ANKRD28: variants seen among roughly 807,000 people sequenced by gnomAD.
The protein encoded by ANKRD28 is serine/threonine-protein phosphatase 6 regulatory ankyrin repeat subunit A.
In ANKRD28, 44 loss-of-function variants were observed where a neutral mutation model predicts 126.5. The observed-to-expected ratio is 0.35, with a 90% CI of 0.27 to 0.45. The LOEUF (loss-of-function observed/expected upper bound fraction) is 0.45. Ranked by LOEUF, ANKRD28 falls within the 20% of genes least tolerant of loss-of-function variation. The pLI is 1.00. For synonymous variants in ANKRD28, 442 were observed against 468.5 expected, an observed-to-expected ratio of 0.94 and a Z score of 0.73; for missense variants, 1,110 against 1,316.6, an observed-to-expected ratio of 0.84 and a Z score of 2.43.
In ANKRD28 at chr3:15,771,184, C is replaced by T. The variant is rs371172993; in HGVS notation, c.202-4872G>A. Reference sequence around the variant, plus strand: ...CAGCACTTTGGGAAGCCCAGGCGGGCGGATCACCTGAGGACAGGAGTTGGA... The same window carrying T: ...CAGCACTTTGGGAAGCCCAGGCGGGTGGATCACCTGAGGACAGGAGTTGGA... On this transcript the variant is annotated intron_variant, in intron 2 of 27. Transcript: ENST00000683139. 4.6e-5 allele frequency among the ~76,000 whole-genome samples: 7 copies of T among 151,906 alleles called. No homozygotes were observed. The South Asian group carries it at 8.3e-4, about 18-fold the overall frequency.
Position 15,668,922 on chromosome 3 carries a change from A to G in ANKRD28, c.*1348T>C, listed in dbSNP as rs2066127294. On this transcript the variant is annotated 3_prime_UTR_variant, in exon 28 of 28. Transcript: ENST00000683139. ...TTTACCCATACCTGTAAGACCCTCA[A>G]TGTATATGAAATCATTTTCACTGGG... 1 of 152,654 alleles carries G rather than the reference A, an allele frequency of 6.6e-6. No individual in the cohort carries two copies. The highest frequency in any genetic ancestry group is 6.5e-5 in the Admixed American group (1 of 15,278). The allele number at this position is 152,654 out of a possible 1,614,324, so 9.5% of individuals were successfully genotyped here.
intron 15 of ANKRD28, among the ~76,000 whole-genome samples, chr3:15,695,576 G>A (rs1401361108): frequency 6.6e-6 from 1 of 152,078 alleles, no homozygotes; most frequent in African/African-American, 2.4e-5. Flanking sequence ...GTCTAAATAA[G>A]AGCATCTTTA....
Position 15,814,141 on chromosome 3 carries a change from G to T in ANKRD28, c.28-18835C>A. 1 of 504,136 alleles carries T rather than the reference G, an allele frequency of 2.0e-6. No homozygotes were observed. The highest frequency in any genetic ancestry group is 2.8e-6 in the Non-Finnish European group (1 of 356,384). 31.2% of individuals were successfully genotyped at this position (504,136 alleles called of 1,614,324 possible). On this transcript the variant is annotated intron_variant, in intron 1 of 27. Transcript: ENST00000399451. The surrounding 1 kb of genome is among the most constrained non-coding windows in gnomAD (Gnocchi z 4.7). ...TAACTATTTACTCACATACAGTTAT[G>T]TATGAAAGCTAAGTTACAAGGAGGC...
In ANKRD28 at chr3:15,678,419, C is replaced by A. The variant is rs1283589356; in HGVS notation, c.2562-65G>T. On this transcript the variant is annotated intron_variant, in intron 23 of 27. Coordinates refer to ENST00000683139, the MANE Select transcript of ANKRD28 (RefSeq NM_001349278.2). ...ATGTTATATATGCTGGAAAAATATT[C>A]TTTAATTTGTGACATGCTGTTTTTA... 31 of 1,466,240 alleles carry A rather than the reference C, an allele frequency of 2.1e-5. 1 individual carries two copies. In the Admixed American group the frequency reaches 2.7e-4, roughly 13 times the overall value. The allele number at this position is 1,466,240 out of a possible 1,614,324, so 90.8% of individuals were successfully genotyped here.
At chr3:15,807,206 G>T (rs1429374385) in intron 1 of ANKRD28, among the ~76,000 whole-genome samples, 2 of 152,130 alleles carry the variant, frequency 1.3e-5, no homozygotes, top group Non-Finnish European at 2.9e-5. Context: ...CCCTTTTCAG[G>T]TATGAGGAAG....
At chr3:15,738,805 C>T (rs1411725739) in intron 4 of ANKRD28, 1 of 152,194 alleles carries the variant, frequency 6.6e-6, no homozygotes, top group Non-Finnish European at 1.5e-5. Context: ...TGGGAATTTC[C>T]TCTTCCTAAT....
Position 15,686,237 on chromosome 3 carries a change from T to C in ANKRD28, c.2036A>G (p.Gln679Arg), listed in dbSNP as rs900407539. 3.1e-6 allele frequency: 5 copies of C among 1,592,882 alleles called. No homozygotes were observed. In the East Asian group the frequency reaches 6.8e-5, roughly 22 times the overall value. Residue 679 changes from glutamine (Q) to arginine (R), a missense_variant, in exon 19 of 28, where the codon CAA becomes CGA. Gln to Arg is a conservative substitution (Grantham distance 43). Coordinates refer to ENST00000683139, the MANE Select transcript of ANKRD28 (RefSeq NM_001349278.2). ...CGAAACTTACTGTCCATTTCCATCT[T>C]GAATATCCACTGCATTCTGTGGTTC... ...NAEPQNAVDI[Q>R]DGNGQTPLML...
chr3:15,795,196 C>T (rs2060219909), intron 2 of ANKRD28, 27 bp downstream of exon 2: 4 of 1,461,762 alleles, frequency 2.7e-6, no homozygotes, highest in Non-Finnish European at 3.8e-6. Flanking sequence ...GTTTTAAAGG[C>T]TGGCATCAGT....
rs377042645 is a variant in ANKRD28 at position 15,751,812 on chromosome 3, C to T, written c.289G>A (p.Val97Ile). The change falls in exon 4 of 28, where the codon GTT becomes ATT. Residue 97 changes from valine (V) to isoleucine (I), a missense_variant. Transcript: ENST00000683139. Reference sequence around the variant, plus strand: ...AACCATTTGCTGTCTTTGGCATTAACTCTAGCTCCTGCAACAAGAAGAAAA... The same window carrying T: ...AACCATTTGCTGTCTTTGGCATTAATTCTAGCTCCTGCAACAAGAAGAAAA... ...IELLILSGAR[V>I]NAKDSKWLTP... 5.7e-6 allele frequency: 9 copies of T among 1,575,194 alleles called. No homozygotes were observed. In the African/African-American group the frequency reaches 9.5e-5, roughly 17 times the overall value.
chr3:15,757,727 C>A (rs2058241209), intron 3 of ANKRD28, among the ~76,000 whole-genome samples: 1 of 152,132 alleles, frequency 6.6e-6, no homozygotes, highest in African/African-American at 2.4e-5. Context: ...TCTTCCCAGG[C>A]CCCAGAACTG....
At chr3:15,716,534 T>C (rs2073074567) in intron 8 of ANKRD28, among the ~76,000 whole-genome samples, 1 of 152,094 alleles carries the variant, frequency 6.6e-6, no homozygotes, top group African/African-American at 2.4e-5. Context: ...TTCTCCAGCC[T>C]TGGCTTCCCA....
chr3:15,807,218 C>A (rs2060603264), intron 1 of ANKRD28, among the ~76,000 whole-genome samples: 1 of 152,178 alleles, frequency 6.6e-6, no homozygotes, highest in Non-Finnish European at 1.5e-5. Flanking sequence ...ATGAGGAAGA[C>A]TCCTAGAAGC....
At position 15,796,790 on chromosome 3, in the gene ANKRD28, T is replaced by C. The variant is rs1240042490; in HGVS notation, c.-269A>G. The stretch of plus-strand genomic sequence containing the variant: ...CTTAAGAAGAAATTTCACACCAACA[T>C]GTCAATAACTAAAACTGAGTCCAAG... On this transcript the variant is annotated 5_prime_UTR_variant, in exon 1 of 28. An upstream start codon of the reference 5' UTR is lost. Transcript: ENST00000683139. The C allele has an allele frequency of 1.0e-6, 1 of 991,656 alleles. No homozygotes were observed. The highest frequency in any genetic ancestry group is 1.2e-6 in the Non-Finnish European group (1 of 833,382). 61.4% of individuals were successfully genotyped at this position (991,656 alleles called of 1,614,324 possible).
At chr3:15,799,315 A>C (rs2060407500), upstream of ANKRD28, among the ~76,000 whole-genome samples, 2 of 142,234 alleles carry the variant, frequency 1.4e-5, no homozygotes, top group South Asian at 4.5e-4. Context: ...AACCATAAAA[A>C]GGAAAAAAAA....
At chr3:15,736,499 T>C (rs538376160) in intron 5 of ANKRD28, among the ~76,000 whole-genome samples, 3 of 152,300 alleles carry the variant, frequency 2.0e-5, no homozygotes, top group South Asian at 2.1e-4. Flanking sequence ...ACTAGACAAG[T>C]TGGCTTCAAA....
chr3:15,744,621 C>A (rs1048717975), intron 4 of ANKRD28, among the ~76,000 whole-genome samples: 1 of 152,084 alleles, frequency 6.6e-6, no homozygotes, highest in Non-Finnish European at 1.5e-5. Context: ...CTGGCCAATA[C>A]AGTATTTTCT....
intron 1 of ANKRD28, among the ~76,000 whole-genome samples, chr3:15,819,435 T>C (rs1462138867): frequency 6.6e-6 from 1 of 152,232 alleles, no homozygotes; most frequent in Non-Finnish European, 1.5e-5. Context: ...TAAAATATTA[T>C]CTTTCCAACA....
At position 15,674,821 on chromosome 3, in the gene ANKRD28, A is replaced by C. The variant is rs530899977; in HGVS notation, c.2965+1077T>G. Among the ~76,000 whole-genome samples, 36 of 152,326 alleles carry C rather than the reference A, an allele frequency of 2.4e-4. 1 individual carries two copies. In the South Asian group the frequency reaches 7.2e-3, roughly 31 times the overall value. ...GCAGAGTAAAAAAATTTATCAAAGG[A>C]AACGATCAGTTGTGCCAAAAGCTGA... On this transcript the variant is annotated intron_variant, in intron 27 of 27. Transcript: ENST00000683139.
At chr3:15,794,836 T>C (rs2060203446) in intron 2 of ANKRD28, among the ~76,000 whole-genome samples, 1 of 152,206 alleles carries the variant, frequency 6.6e-6, no homozygotes. Context: ...CACAGTTAAG[T>C]ATTTAATGGT....
Sources: allele counts gnomAD v4.1 joint callset (sites outside exome capture counted in the v4.1 genomes callset), GRCh38; gene constraint gnomAD v4.1.1; non-coding constraint Gnocchi (gnomAD v3.1); transcripts MANE v1.5; gene names NCBI Gene and HGNC (gene_info 2026-07-23, HGNC 2026-07-21).